KCNIP4: variants seen among roughly 807,000 people sequenced by gnomAD.
KCNIP4 encodes the protein Kv channel-interacting protein 4.
In KCNIP4, 12 loss-of-function variants were observed where a neutral mutation model predicts 34.0. The ratio of observed to expected loss-of-function variants is 0.35; its 90% CI spans 0.23 to 0.57. The LOEUF is 0.57. KCNIP4 is among the 20% of genes least tolerant of loss of function. The pLI is 0.83. For synonymous variants in KCNIP4, 124 were observed against 102.2 expected (o/e 1.21, Z -1.29); for missense variants, 238 against 311.7 (o/e 0.76, Z 1.78).
intron 1 of KCNIP4, among the ~76,000 whole-genome samples, chr4:21,417,161 T>C (rs1725020998): frequency 6.6e-6 from 1 of 152,078 alleles, no homozygotes; most frequent in Non-Finnish European, 1.5e-5. Flanking sequence ...GCCAGTAAAG[T>C]GTAGACATAG....
intron 8 of KCNIP4, chr4:20,731,267 T>G: frequency 2.6e-6 from 1 of 379,268 alleles, no homozygotes; most frequent in Non-Finnish European, 3.6e-6. Context: ...ATAGATAGGG[T>G]CTTGCTATGT....
intron 1 of KCNIP4, among the ~76,000 whole-genome samples, chr4:21,675,763 G>C (rs1577819452): frequency 6.6e-6 from 1 of 152,080 alleles, no homozygotes; most frequent in African/African-American, 2.4e-5. Context: ...AGTAACTTGA[G>C]GATGTCCATT....
chr4:20,994,158 A>G (rs1486082630), intron 1 of KCNIP4, among the ~76,000 whole-genome samples: 3 of 152,202 alleles, frequency 2.0e-5, no homozygotes, highest in African/African-American at 7.2e-5. Flanking sequence ...CATAACCCAA[A>G]ATAACACAAA....
intron 1 of KCNIP4, among the ~76,000 whole-genome samples, chr4:21,050,542 G>C (rs548793180): frequency 6.6e-6 from 1 of 152,062 alleles, no homozygotes; most frequent in East Asian, 1.9e-4. Flanking sequence ...TATATTTTTA[G>C]GAATGCTCTC....
chr4:21,816,425 A>G (rs1351408417), intron 1 of KCNIP4, among the ~76,000 whole-genome samples: 1 of 152,174 alleles, frequency 6.6e-6, no homozygotes, highest in Non-Finnish European at 1.5e-5. Context: ...AAAAAGTGAA[A>G]TAATTCACCC....
Position 21,942,451 on chromosome 4 carries a change from C to T in KCNIP4, c.61+6120G>A, listed in dbSNP as rs185739107. 2.0e-5 allele frequency among the ~76,000 whole-genome samples: 3 copies of T among 152,278 alleles called. No homozygotes were observed. The East Asian group carries it at 5.8e-4, about 30-fold the overall frequency. The stretch of plus-strand genomic sequence containing the variant: ...CCCAAAGATGACATTGATGACTGCC[C>T]TAAATACACAAAAACACTGGGCATC... On this transcript the variant is annotated intron_variant, in intron 1 of 8. Transcript: ENST00000382152.
Position 20,929,179 on chromosome 4 carries a change from C to T in KCNIP4, c.62-46470G>A, listed in dbSNP as rs918207132. Among the ~76,000 whole-genome samples, 12 of 151,444 alleles carry T rather than the reference C, an allele frequency of 7.9e-5. No individual in the cohort carries two copies. In the East Asian group the frequency reaches 1.3e-3, roughly 17 times the overall value. On this transcript the variant is annotated intron_variant, in intron 1 of 8. Coordinates refer to ENST00000382152, the MANE Select transcript of KCNIP4 (RefSeq NM_025221.6). ...TCAACATCACATCAAAAAGATTATA[C>T]ATCATGACCAATAGGATTTATCCCT...
At chr4:21,327,480 T>C (rs1715201255) in intron 1 of KCNIP4, among the ~76,000 whole-genome samples, 1 of 152,192 alleles carries the variant, frequency 6.6e-6, no homozygotes, top group Admixed American at 6.5e-5. Context: ...ATCCTTCCTT[T>C]ATCCTTGACC....
chr4:21,543,627 C>A (rs1225413951), intron 1 of KCNIP4, among the ~76,000 whole-genome samples: 4 of 152,108 alleles, frequency 2.6e-5, no homozygotes, highest in Non-Finnish European at 4.4e-5. Flanking sequence ...GCTGCTGGAA[C>A]TTTAAAATAT....
At chr4:21,701,697 C>T (rs1023759234) in intron 1 of KCNIP4, among the ~76,000 whole-genome samples, 26 of 151,786 alleles carry the variant, frequency 1.7e-4, no homozygotes, top group Admixed American at 1.6e-3. Flanking sequence ...TTTAAAAATA[C>T]ATTTTTGTTG....
chr4:21,325,520 T>C (rs1201662047), intron 1 of KCNIP4, among the ~76,000 whole-genome samples: 1 of 151,930 alleles, frequency 6.6e-6, no homozygotes, highest in Non-Finnish European at 1.5e-5. Flanking sequence ...TAAAGTTCTG[T>C]CAATTTTATT....
intron 1 of KCNIP4, among the ~76,000 whole-genome samples, chr4:21,200,376 ATG>A (rs1220471426): frequency 1.7e-5 from 1 of 59,872 alleles, no homozygotes; most frequent in Non-Finnish European, 2.9e-5. Flanking sequence ...ACATACATAT[ATG>A]TGTGTATATA....
At chr4:21,876,570 A>G (rs1189596836) in intron 1 of KCNIP4, among the ~76,000 whole-genome samples, 1 of 152,180 alleles carries the variant, frequency 6.6e-6, no homozygotes, top group Non-Finnish European at 1.5e-5. Flanking sequence ...GTTCGAGTGG[A>G]ATTAATTTTA....
At chr4:20,818,342 C>A (rs1716676969) in intron 3 of KCNIP4, among the ~76,000 whole-genome samples, 1 of 152,060 alleles carries the variant, frequency 6.6e-6, no homozygotes, top group Admixed American at 6.5e-5. Flanking sequence ...GATTTTAACC[C>A]AAAATGACAG....
intron 1 of KCNIP4, among the ~76,000 whole-genome samples, chr4:21,806,493 G>A (rs996742486): frequency 6.6e-6 from 1 of 152,026 alleles, no homozygotes; most frequent in African/African-American, 2.4e-5. Context: ...TTATATAGAA[G>A]AATCTTGTTA....
chr4:21,691,917 C>T (rs2109045272), intron 1 of KCNIP4, among the ~76,000 whole-genome samples: 1 of 152,086 alleles, frequency 6.6e-6, no homozygotes. Flanking sequence ...TCAGGCTAGC[C>T]TCAAACTCCT....
chr4:20,874,357 C>T (rs1182140396), intron 2 of KCNIP4, among the ~76,000 whole-genome samples: 1 of 152,038 alleles, frequency 6.6e-6, no homozygotes, highest in South Asian at 2.1e-4. Flanking sequence ...TACTTGTATT[C>T]GTTGTGTCTT....
At chr4:21,508,447 C>T (rs138631255) in intron 1 of KCNIP4, among the ~76,000 whole-genome samples, 64 of 152,272 alleles carry the variant, frequency 4.2e-4, no homozygotes, top group African/African-American at 1.5e-3. Context: ...TCCCCTCTTC[C>T]ACCAAGTATG....
At chr4:20,812,641 G>A (rs1348459344) in intron 3 of KCNIP4, among the ~76,000 whole-genome samples, 5 of 152,140 alleles carry the variant, frequency 3.3e-5, no homozygotes, top group African/African-American at 9.7e-5. Context: ...ATTGGAGTTC[G>A]GTTTGGGGAT....
Sources: gnomAD v4.1 joint callset for allele counts (sites outside exome capture counted in the v4.1 genomes callset) on GRCh38, gnomAD v4.1.1 for gene constraint, MANE v1.5 for transcripts, NCBI Gene and HGNC (gene_info 2026-07-23, HGNC 2026-07-21) for gene names.